The following LINGO2 variants were observed in gnomAD, a reference collection of about 807,000 sequenced individuals.
LINGO2 encodes leucine rich repeat and Ig domain containing 2.
LINGO2 carries 14 observed loss-of-function variants against 30.6 expected under a neutral mutation model. That is an observed-to-expected ratio of 0.46 (90% confidence interval 0.30 to 0.72). LINGO2 has a LOEUF of 0.72. Ranked by LOEUF, LINGO2 falls within the 30% of genes least tolerant of loss-of-function variation. LINGO2 has a pLI of 0.07. For missense variants in LINGO2, 729 were observed against 751.7 expected (o/e 0.97, Z 0.35); for synonymous variants, 317 against 288.5 (o/e 1.10, Z -1.00).
intron 2 of LINGO2, among the ~76,000 whole-genome samples, chr9:28,448,924 A>G (rs189575433): frequency 5.9e-5 from 9 of 152,116 alleles, no homozygotes; most frequent in Admixed American, 5.2e-4. Context: ...AAAGAAAAGC[A>G]TTACCACCAG....
the LINGO2 span, among the ~76,000 whole-genome samples, chr9:28,783,242 A>G: frequency 6.6e-6 from 1 of 151,782 alleles, no homozygotes; most frequent in African/African-American, 2.4e-5. Flanking sequence ...CGGTTCTAGA[A>G]CCCCCTCCCT....
intron 4 of LINGO2, among the ~76,000 whole-genome samples, chr9:28,043,747 T>C (rs1174155071): frequency 6.6e-6 from 1 of 152,138 alleles, no homozygotes; most frequent in Non-Finnish European, 1.5e-5. Context: ...CCACCTCACA[T>C]TACATGGAAA....
intron 3 of LINGO2, among the ~76,000 whole-genome samples, chr9:28,358,153 T>C (rs1008564754): frequency 2.0e-5 from 3 of 152,200 alleles, no homozygotes; most frequent in Admixed American, 6.6e-5. Context: ...GTAAAACTTA[T>C]CGAGTTGTTA....
At chr9:29,212,222 G>T in the LINGO2 span, among the ~76,000 whole-genome samples, 3 of 152,030 alleles carry the variant, frequency 2.0e-5, no homozygotes, top group South Asian at 2.1e-4. Flanking sequence ...TCGGAAGCGC[G>T]CCGGGACTGC....
chr9:28,320,371 T>C (rs1168907744), intron 3 of LINGO2, among the ~76,000 whole-genome samples: 10 of 152,136 alleles, frequency 6.6e-5, no homozygotes, highest in Admixed American at 2.0e-4. Context: ...TCAATCCCAA[T>C]ATTTAAGCAT....
intron 5 of LINGO2, among the ~76,000 whole-genome samples, chr9:27,976,641 T>G (rs898793788): frequency 1.3e-5 from 2 of 152,088 alleles, no homozygotes; most frequent in African/African-American, 4.8e-5. Flanking sequence ...TGTCGCAGTC[T>G]AGTAATAAGT....
intron 5 of LINGO2, among the ~76,000 whole-genome samples, chr9:27,972,736 T>G (rs1028162326): frequency 1.3e-5 from 2 of 152,230 alleles, no homozygotes; most frequent in Admixed American, 6.5e-5. Flanking sequence ...CCACCTGGAA[T>G]GCACTTCAAT....
chr9:28,314,242 A>AT (rs1214975168), intron 3 of LINGO2, among the ~76,000 whole-genome samples: 16 of 152,092 alleles, frequency 1.1e-4, no homozygotes, highest in African/African-American at 3.6e-4. Context: ...CCGAGAATTG[A>AT]TTTTTGATCT....
intron 1 of LINGO2, among the ~76,000 whole-genome samples, chr9:28,580,558 A>C (rs1317695406): frequency 4.6e-5 from 7 of 152,014 alleles, no homozygotes; most frequent in Admixed American, 4.6e-4. Context: ...TGTTTTTGGT[A>C]TAAAAATCAC....
chr9:29,113,993 T>C, the LINGO2 span, among the ~76,000 whole-genome samples: 6 of 152,072 alleles, frequency 3.9e-5, no homozygotes, highest in African/African-American at 1.4e-4. Flanking sequence ...AAAGGAATTC[T>C]TTTCCACAAC....
At chr9:29,074,541 T>A in the LINGO2 span, among the ~76,000 whole-genome samples, 1 of 152,142 alleles carries the variant, frequency 6.6e-6, no homozygotes, top group Non-Finnish European at 1.5e-5. Context: ...TTCAAGGACA[T>A]CCTGGGACGG....
chr9:28,433,404 G>T (rs1823761618), intron 2 of LINGO2, among the ~76,000 whole-genome samples: 1 of 152,070 alleles, frequency 6.6e-6, no homozygotes, highest in African/African-American at 2.4e-5. Context: ...ATCATGCTGA[G>T]CCAGAAAAGC....
chr9:28,664,049 A>G (rs561837339), intron 1 of LINGO2, among the ~76,000 whole-genome samples: 7 of 152,304 alleles, frequency 4.6e-5, no homozygotes, highest in Admixed American at 6.5e-5. Flanking sequence ...TAAGAAATTA[A>G]ATATTTATAT....
intron 1 of LINGO2, among the ~76,000 whole-genome samples, chr9:28,504,210 T>C (rs1254239520): frequency 6.6e-6 from 1 of 151,950 alleles, no homozygotes; most frequent in Non-Finnish European, 1.5e-5. Context: ...CAAACAATCA[T>C]ACTTCCATCA....
At chr9:28,118,174 A>C (rs1826989824) in intron 4 of LINGO2, among the ~76,000 whole-genome samples, 1 of 152,082 alleles carries the variant, frequency 6.6e-6, no homozygotes, top group Non-Finnish European at 1.5e-5. Flanking sequence ...GCAGCAAACC[A>C]CTATGGCACA....
chr9:28,397,034 A>G (rs933661601), intron 2 of LINGO2, among the ~76,000 whole-genome samples: 5 of 152,216 alleles, frequency 3.3e-5, no homozygotes, highest in African/African-American at 1.2e-4. Flanking sequence ...ATGTAAAAAG[A>G]TGATGCCCTG....
chr9:28,458,251 C>T (rs1929815), intron 2 of LINGO2, among the ~76,000 whole-genome samples: 151,471 of 152,326 alleles, frequency 0.99, 75,317 homozygotes, highest in East Asian at 1. Context: ...TTCTTTTTAC[C>T]TAATGAAGGA....
chr9:28,160,660 T>C (rs1828260375), intron 4 of LINGO2, among the ~76,000 whole-genome samples: 1 of 152,222 alleles, frequency 6.6e-6, no homozygotes, highest in Admixed American at 6.5e-5. Context: ...CATTCATTTA[T>C]TCACTATTTA....
intron 5 of LINGO2, among the ~76,000 whole-genome samples, chr9:27,972,366 G>T (rs887868033): frequency 6.6e-6 from 1 of 152,150 alleles, no homozygotes; most frequent in Non-Finnish European, 1.5e-5. Context: ...TGGAAACCTG[G>T]GATATAAGAA....
Sources: allele counts gnomAD v4.1 joint callset (sites outside exome capture counted in the v4.1 genomes callset), GRCh38; gene constraint gnomAD v4.1.1; transcripts MANE v1.5; gene names NCBI Gene and HGNC (gene_info 2026-07-23, HGNC 2026-07-21).